FRAS1: variants seen among roughly 807,000 people sequenced by gnomAD.
FRAS1 encodes extracellular matrix organizing protein FRAS1.
In FRAS1, 290 loss-of-function variants were observed where a neutral mutation model predicts 435.2. That is an observed-to-expected ratio of 0.67 (90% confidence interval 0.61 to 0.73). The LOEUF is 0.73. Ranked by LOEUF, FRAS1 falls within the 30% of genes least tolerant of loss-of-function variation. The pLI is 0.00. For synonymous variants in FRAS1, 1,800 were observed against 1,851.0 expected (o/e 0.97, Z 0.71); for missense variants, 4,860 against 5,001.5 (o/e 0.97, Z 0.85).
At chr4:78,235,463 C>T (rs1724711858) in intron 2 of FRAS1, among the ~76,000 whole-genome samples, 1 of 152,130 alleles carries the variant, frequency 6.6e-6, no homozygotes, top group South Asian at 2.1e-4. Context: ...AGTAGGACTC[C>T]AACTACTTGT....
chr4:78,323,733 A>T (rs930513211), intron 18 of FRAS1, among the ~76,000 whole-genome samples: 6 of 152,166 alleles, frequency 3.9e-5, no homozygotes, highest in Non-Finnish European at 8.8e-5. Flanking sequence ...AGAGCAAAGG[A>T]TCTAGAACTG....
chr4:78,462,859 G>A (rs1002288909), intron 47 of FRAS1, among the ~76,000 whole-genome samples: 1 of 152,196 alleles, frequency 6.6e-6, no homozygotes, highest in South Asian at 2.1e-4. Context: ...ATGATAAGGA[G>A]AGATGCAAAT....
At chr4:78,236,126 T>C (rs781499333) in intron 2 of FRAS1, among the ~76,000 whole-genome samples, 5 of 151,556 alleles carry the variant, frequency 3.3e-5, no homozygotes, top group African/African-American at 7.3e-5. Flanking sequence ...CAGAGAAGAG[T>C]AGAAATCCAG....
At chr4:78,471,713 G>A (rs1410515511) in intron 51 of FRAS1, among the ~76,000 whole-genome samples, 1 of 152,060 alleles carries the variant, frequency 6.6e-6, no homozygotes. Flanking sequence ...GCAATATCAG[G>A]GTACAGTGTG....
At chr4:78,513,970 GT>G (rs1276680203) in intron 65 of FRAS1, among the ~76,000 whole-genome samples, 1 of 152,244 alleles carries the variant, frequency 6.6e-6, no homozygotes, top group African/African-American at 2.4e-5. Flanking sequence ...GAAAGCTGAA[GT>G]GAAGATGGTA....
chr4:78,242,830 C>T (rs1468923296), intron 3 of FRAS1, among the ~76,000 whole-genome samples: 1 of 152,198 alleles, frequency 6.6e-6, no homozygotes, highest in Non-Finnish European at 1.5e-5. Context: ...AACCTAGTGT[C>T]AATGGCAATG....
intron 46 of FRAS1, 122 bp from the exon 47 acceptor site, chr4:78,452,053 G>T: frequency 8.0e-7 from 1 of 1,257,212 alleles, no homozygotes; most frequent in Non-Finnish European, 1.1e-6. Flanking sequence ...TGGCTCCTTG[G>T]TGTGCTCTCT....
intron 44 of FRAS1, among the ~76,000 whole-genome samples, chr4:78,449,434 G>A (rs973156793): frequency 2.0e-5 from 3 of 152,076 alleles, no homozygotes; most frequent in Non-Finnish European, 4.4e-5. Context: ...TTGTGTTCTT[G>A]GTATTACCCA....
rs1394807675 is a variant in FRAS1, at chr4:78,266,870, T to A, written c.724T>A (p.Cys242Ser). ...EQWSENACTT[C>S]ICDRGEVRCH... is the part of the protein sequence containing the mutation. Reference sequence around the variant, plus strand: ...GTGGAGCGAAAATGCCTGCACCACGTGTATATGTGACCGGGGTGAGGTCAG... The same window carrying A: ...GTGGAGCGAAAATGCCTGCACCACGAGTATATGTGACCGGGGTGAGGTCAG... Residue 242 changes from cysteine (C) to serine (S), a missense_variant, in exon 8 of 74, where the codon TGT becomes AGT. Physicochemically the swap from Cys to Ser is moderately radical, Grantham distance 112 (BLOSUM62 -1). Coordinates refer to ENST00000512123, the MANE Select transcript of FRAS1 (RefSeq NM_025074.7). The A allele has an allele frequency of 6.2e-6, 10 of 1,607,720 alleles. No homozygotes were observed. The highest frequency in any genetic ancestry group is 8.5e-6 in the Non-Finnish European group (10 of 1,177,118).
intron 2 of FRAS1, among the ~76,000 whole-genome samples, chr4:78,209,259 C>T (rs1326376936): frequency 1.3e-5 from 2 of 152,162 alleles, no homozygotes; most frequent in Non-Finnish European, 2.9e-5. Context: ...TATATATGTA[C>T]GTCCATGCTC....
chr4:78,223,406 G>A (rs1438645307), intron 2 of FRAS1, among the ~76,000 whole-genome samples: 2 of 152,150 alleles, frequency 1.3e-5, no homozygotes, highest in Non-Finnish European at 2.9e-5. Context: ...TTACATGTCT[G>A]TAAAGAGTTG....
At chr4:78,244,023 G>A (rs1725124122) in intron 3 of FRAS1, among the ~76,000 whole-genome samples, 1 of 152,044 alleles carries the variant, frequency 6.6e-6, no homozygotes, top group Non-Finnish European at 1.5e-5. Flanking sequence ...ATATTGCATA[G>A]TATGTATAAT....
intron 2 of FRAS1, among the ~76,000 whole-genome samples, chr4:78,118,394 C>T (rs1001069637): frequency 6.6e-6 from 1 of 152,164 alleles, no homozygotes; most frequent in Non-Finnish European, 1.5e-5. Context: ...GAGGTGCTGC[C>T]TTTTGTTTGG....
intron 2 of FRAS1, among the ~76,000 whole-genome samples, chr4:78,162,301 TG>T (rs1560557477): frequency 6.6e-6 from 1 of 152,198 alleles, no homozygotes; most frequent in East Asian, 1.9e-4. Flanking sequence ...GGGAAGATAC[TG>T]CTCATCAATA....
intron 6 of FRAS1, among the ~76,000 whole-genome samples, chr4:78,257,294 A>T (rs1377616120): frequency 6.6e-6 from 1 of 152,182 alleles, no homozygotes; most frequent in East Asian, 1.9e-4. Context: ...TGAGTTACAC[A>T]TTTATATATA....
chr4:78,309,533 TA>T (rs1308847607), intron 15 of FRAS1, among the ~76,000 whole-genome samples: 1 of 152,196 alleles, frequency 6.6e-6, no homozygotes, highest in Admixed American at 6.5e-5. Flanking sequence ...GAAACTTGCT[TA>T]AGGTCACACA....
intron 2 of FRAS1, among the ~76,000 whole-genome samples, chr4:78,188,645 G>T (rs1223073341): frequency 1.3e-5 from 2 of 152,172 alleles, no homozygotes; most frequent in South Asian, 2.1e-4. Flanking sequence ...GTAATGCCTA[G>T]ATTAGCATTT....
At chr4:78,238,649 G>A (rs1724865342) in intron 3 of FRAS1, among the ~76,000 whole-genome samples, 1 of 152,006 alleles carries the variant, frequency 6.6e-6, no homozygotes, top group Admixed American at 6.6e-5. Flanking sequence ...GTATATTATG[G>A]AGCTTTATGT....
At chr4:78,269,985 G>A (rs748936373) in intron 9 of FRAS1, among the ~76,000 whole-genome samples, 1 of 152,170 alleles carries the variant, frequency 6.6e-6, no homozygotes, top group Non-Finnish European at 1.5e-5. Context: ...AGTCTTAGTC[G>A]TTGGTCTGGT....
Sources: allele counts gnomAD v4.1 joint callset (sites outside exome capture counted in the v4.1 genomes callset), GRCh38; gene constraint gnomAD v4.1.1; transcripts MANE v1.5; gene names NCBI Gene and HGNC (gene_info 2026-07-23, HGNC 2026-07-21).